Variants in ASB4 observed in about 807,000 individuals in gnomAD.
ASB4 encodes the protein ankyrin repeat and SOCS box containing 4, also known as ankyrin repeat and SOCS box protein 4.
ASB4 carries 35 observed loss-of-function variants against 38.6 expected under a neutral mutation model. That is an observed-to-expected ratio of 0.91 (90% CI 0.69 to 1.20). The LOEUF is 1.20. Ranked by LOEUF, ASB4 falls within the 50% of genes most tolerant of loss-of-function variation. The pLI is 0.00. For missense variants in ASB4, 557 were observed against 527.2 expected (o/e 1.06, Z -0.55); for synonymous variants, 195 against 201.3 (o/e 0.97, Z 0.26).
chr7:95,512,286 T>G (rs1429951832), intron 2 of ASB4, among the ~76,000 whole-genome samples: 1 of 152,188 alleles, frequency 6.6e-6, no homozygotes, highest in Non-Finnish European at 1.5e-5. Flanking sequence ...AGGGCAAAAT[T>G]TAACTTCTTT....
intron 2 of ASB4, among the ~76,000 whole-genome samples, chr7:95,515,308 T>TTC (rs1562817313): frequency 5.1e-4 from 57 of 112,438 alleles, no homozygotes; most frequent in East Asian, 3.1e-3. Flanking sequence ...TTTCTTTCTT[T>TTC]CTTTCTTTCT....
intron 2 of ASB4, among the ~76,000 whole-genome samples, chr7:95,511,137 G>C (rs1421133886): frequency 1.3e-5 from 2 of 152,126 alleles, no homozygotes; most frequent in Non-Finnish European, 2.9e-5. Flanking sequence ...TGGATGCTAA[G>C]AATCAAGCAC....
downstream of ASB4, chr7:95,544,151 T>C (rs1791004963): frequency 6.6e-6 from 1 of 152,190 alleles, no homozygotes; most frequent in South Asian, 2.1e-4. Flanking sequence ...ACTTTTTCTT[T>C]TTATCAAAAG....
chr7:95,530,995 G>A (rs77030194), intron 3 of ASB4, among the ~76,000 whole-genome samples: 28,234 of 151,944 alleles, frequency 0.19, 2,645 homozygotes, highest in Middle Eastern at 0.28. Flanking sequence ...AAAGTTTCTG[G>A]GCCTCAGTTT....
At chr7:95,493,033 C>T (rs923667643) in intron 1 of ASB4, among the ~76,000 whole-genome samples, 2 of 152,118 alleles carry the variant, frequency 1.3e-5, no homozygotes, top group Admixed American at 6.5e-5. Flanking sequence ...ACACACGAGG[C>T]GTGGAGTTGA....
the ASB4 span, among the ~76,000 whole-genome samples, chr7:95,471,317 T>A: frequency 7.9e-5 from 12 of 152,292 alleles, no homozygotes; most frequent in African/African-American, 2.9e-4. Context: ...TTGTCCTCTT[T>A]CCTGCACGCT....
At position 95,538,026 on chromosome 7, in the gene ASB4, C is replaced by T. The variant is rs1328254860; in HGVS notation, c.*267C>T. ...ATATGTATAGTGTTCTTACTAAGTA[C>T]CTGAAATATTTTTGTAAAACTTCTT... On this transcript the variant is annotated 3_prime_UTR_variant, in exon 5 of 5. Transcript: ENST00000325885. 9.6e-6 allele frequency: 3 copies of T among 311,532 alleles called. No individual in the cohort carries two copies. Among genetic ancestry groups the T allele is most frequent in the Non-Finnish European group, 1.8e-5 (3 of 169,880 alleles). 19.3% of individuals were successfully genotyped at this position (311,532 alleles called of 1,614,324 possible).
chr7:95,517,955 A>G, intron 2 of ASB4, among the ~76,000 whole-genome samples: 1 of 152,200 alleles, frequency 6.6e-6, no homozygotes, highest in East Asian at 1.9e-4. Flanking sequence ...TGGGTAAATA[A>G]TAGAGATAAA....
In ASB4 at chr7:95,518,466, A is replaced by T. The variant is rs1013918062; in HGVS notation, c.488-9347A>T. Among the ~76,000 whole-genome samples the T allele has an allele frequency of 2.0e-5, 3 of 152,376 alleles. No homozygotes were observed. The South Asian group carries it at 6.2e-4, about 32-fold the overall frequency. On this transcript the variant is annotated intron_variant, in intron 2 of 4. Coordinates refer to ENST00000325885, the MANE Select transcript of ASB4 (RefSeq NM_016116.3). ...ATTCTGAATTGCCCCTTGGAACTGCAGTGCACTATGTGACAGTGAGAAATA... is the reference window on the plus strand; with the variant it reads ...ATTCTGAATTGCCCCTTGGAACTGCTGTGCACTATGTGACAGTGAGAAATA...
At chr7:95,531,443 G>A (rs1488437326) in intron 3 of ASB4, among the ~76,000 whole-genome samples, 1 of 152,224 alleles carries the variant, frequency 6.6e-6, no homozygotes, top group Non-Finnish European at 1.5e-5. Flanking sequence ...GAAGGTGCCA[G>A]AGAAACATAC....
chr7:95,495,837 A>C lies in ASB4; in HGVS notation c.267A>C (p.Glu89Asp), dbSNP rs746653735. ...LHLSVLFGHV[E>D]CLLVLLDHNA... is the part of the protein sequence containing the mutation. ...TCTCTGTCTTGTTTGGCCATGTGGA[A>C]TGTCTTCTGGTGCTACTGGACCACA... is the stretch of plus-strand genomic sequence containing the variant. The change falls in exon 2 of 5, where the codon GAA (glutamate) becomes GAC (aspartate). Residue 89 changes from glutamate to aspartate, a missense_variant. Physicochemically the swap from Glu to Asp is conservative, Grantham distance 45. Transcript: ENST00000325885. 3.1e-6 allele frequency: 5 copies of C among 1,613,170 alleles called. No homozygotes were observed. The East Asian group carries it at 8.9e-5, about 29-fold the overall frequency.
downstream of ASB4, among the ~76,000 whole-genome samples, chr7:95,541,100 G>A (rs1195265481): frequency 6.6e-6 from 1 of 152,192 alleles, no homozygotes; most frequent in African/African-American, 2.4e-5. Context: ...GGAGGATAAA[G>A]TAGATGCATT....
chr7:95,512,718 G>A (rs1790499672), intron 2 of ASB4, among the ~76,000 whole-genome samples: 1 of 152,126 alleles, frequency 6.6e-6, no homozygotes, highest in Non-Finnish European at 1.5e-5. Flanking sequence ...TGCTGGCTTA[G>A]AAGAATGAAA....
intron 2 of ASB4, among the ~76,000 whole-genome samples, chr7:95,518,140 A>C (rs1432124988): frequency 6.6e-6 from 1 of 152,240 alleles, no homozygotes; most frequent in Admixed American, 6.5e-5. Context: ...AACTCAATTC[A>C]GCAATGGTAG....
chr7:95,524,606 A>C (rs2116639690), intron 2 of ASB4, among the ~76,000 whole-genome samples: 1 of 152,318 alleles, frequency 6.6e-6, no homozygotes, highest in South Asian at 2.1e-4. Flanking sequence ...GATACGTTCA[A>C]GTTCCAACCT....
rs763989457 is a variant in ASB4, at chr7:95,537,482, G to C, written c.1093-89G>C. The C allele has an allele frequency of 1.9e-5, 22 of 1,166,126 alleles. No homozygotes were observed. In the East Asian group the frequency reaches 5.0e-4, roughly 26 times the overall value. The allele number at this position is 1,166,126 out of a possible 1,614,324, so 72.2% of individuals were successfully genotyped here. ...AGAGACCCTAGGAAGCTGCCATTAC[G>C]TATAGAGGTTAGTTGCAGCATTGCT... On this transcript the variant is annotated intron_variant, in intron 4 of 4. Transcript: ENST00000325885.
rs181795401 is a variant in ASB4, at chr7:95,534,790, T to C, written c.979-1647T>C. On this transcript the variant is annotated intron_variant, in intron 3 of 4. Transcript: ENST00000325885. ...CTGCTTAAAGACAAAAAACAGGTCA[T>C]AAATCTCCCAGAATTACTGTCATAG... is the stretch of plus-strand genomic sequence containing the variant. Among the ~76,000 whole-genome samples, 644 of 152,322 alleles carry C rather than the reference T, an allele frequency of 4.2e-3. 8 individuals carry two copies. Among genetic ancestry groups the C allele is most frequent in the Non-Finnish European group, 3.6e-3 (246 of 68,024 alleles).
intron 2 of ASB4, among the ~76,000 whole-genome samples, chr7:95,526,758 C>G (rs1790742276): frequency 6.6e-6 from 1 of 152,040 alleles, no homozygotes; most frequent in Admixed American, 6.5e-5. Context: ...ATAATAATAA[C>G]AATAATAATA....
chr7:95,483,959 T>C (rs911058242), upstream of ASB4, among the ~76,000 whole-genome samples: 7 of 151,938 alleles, frequency 4.6e-5, no homozygotes, highest in African/African-American at 1.7e-4. Flanking sequence ...CTTTTTGTTG[T>C]TGCTATTTTT....
Sources: gnomAD v4.1 joint callset for allele counts (sites outside exome capture counted in the v4.1 genomes callset) on GRCh38, gnomAD v4.1.1 for gene constraint, MANE v1.5 for transcripts, NCBI Gene and HGNC (gene_info 2026-07-23, HGNC 2026-07-21) for gene names.